The following GOLPH3 variants were observed in gnomAD, a reference collection of about 807,000 sequenced individuals.
The protein encoded by GOLPH3 is golgi phosphoprotein 3.
Under a neutral mutation model 28.5 loss-of-function variants are expected in GOLPH3, and 14 were observed. The observed-to-expected ratio is 0.49, with a 90% CI of 0.32 to 0.77. The LOEUF is 0.77. GOLPH3 is among the 30% of genes least tolerant of loss of function. The pLI is 0.03. For missense variants in GOLPH3, 350 were observed against 393.7 expected (o/e 0.89, Z 0.94); for synonymous variants, 158 against 159.2 (o/e 0.99, Z 0.06).
chr5:32,143,118 C>T (rs897139678), intron 2 of GOLPH3, among the ~76,000 whole-genome samples: 21 of 152,258 alleles, frequency 1.4e-4, no homozygotes, highest in African/African-American at 4.6e-4. Context: ...AAAAATTCTT[C>T]TGCCTTGGGA....
At chr5:32,132,132 G>T (rs1745838282) in intron 3 of GOLPH3, among the ~76,000 whole-genome samples, 1 of 152,146 alleles carries the variant, frequency 6.6e-6, no homozygotes, top group South Asian at 2.1e-4. Flanking sequence ...CTACAGCCTG[G>T]GTGATGGCGA....
intron 1 of GOLPH3, 64 bp downstream of exon 1, chr5:32,173,746 C>G (rs1305938264): frequency 1.7e-6 from 2 of 1,202,036 alleles, no homozygotes; most frequent in African/African-American, 3.2e-5. Context: ...TGGCACCTAC[C>G]TGGAGCTCAC....
At chr5:32,163,608 A>G (rs1746642068) in intron 1 of GOLPH3, among the ~76,000 whole-genome samples, 1 of 152,132 alleles carries the variant, frequency 6.6e-6, no homozygotes, top group Admixed American at 6.5e-5. Context: ...AGCCAAGATC[A>G]TGCCACTGCA....
chr5:32,162,743 C>T (rs1332315739), intron 1 of GOLPH3, among the ~76,000 whole-genome samples: 3 of 152,210 alleles, frequency 2.0e-5, no homozygotes, highest in African/African-American at 7.2e-5. Flanking sequence ...TATGCCAACA[C>T]ATTGGATCCC....
Position 32,125,998 on chromosome 5 carries a change from T to C in GOLPH3, c.*214A>G, listed in dbSNP as rs146409834. On this transcript the variant is annotated 3_prime_UTR_variant, in exon 4 of 4. Coordinates refer to ENST00000265070, the MANE Select transcript of GOLPH3 (RefSeq NM_022130.4). Reference sequence around the variant, plus strand: ...GGCAACAGGGAATGGAATGCCAATATGGCAGTAAAACTTTTTTTAAAAACA... The same window carrying C: ...GGCAACAGGGAATGGAATGCCAATACGGCAGTAAAACTTTTTTTAAAAACA... 1,854 of 499,904 alleles carry C rather than the reference T, an allele frequency of 3.7e-3. 6 individuals carry two copies. Among genetic ancestry groups the C allele is most frequent in the Middle Eastern group, 6.8e-3 (13 of 1,898 alleles). 31.0% of individuals were successfully genotyped at this position (499,904 alleles called of 1,614,324 possible).
chr5:32,166,907 C>A (rs1746726780), intron 1 of GOLPH3, among the ~76,000 whole-genome samples: 1 of 150,694 alleles, frequency 6.6e-6, no homozygotes, highest in Non-Finnish European at 1.5e-5. Context: ...ACAAAGACTA[C>A]AGCATAGTTT....
At chr5:32,172,695 A>AAAAAC (rs1212826822) in intron 1 of GOLPH3, among the ~76,000 whole-genome samples, 1 of 150,892 alleles carries the variant, frequency 6.6e-6, no homozygotes, top group East Asian at 1.9e-4. Context: ...GCTCCGTCTC[A>AAAAAC]AAAACAAAAC....
intron 1 of GOLPH3, among the ~76,000 whole-genome samples, chr5:32,144,633 C>T (rs536628993): frequency 6.6e-6 from 1 of 152,292 alleles, no homozygotes; most frequent in East Asian, 1.9e-4. Flanking sequence ...ATTAGAAAAA[C>T]ACACATGCGC....
At chr5:32,154,531 G>C (rs972242821) in intron 1 of GOLPH3, among the ~76,000 whole-genome samples, 1 of 152,186 alleles carries the variant, frequency 6.6e-6, no homozygotes, top group African/African-American at 2.4e-5. Context: ...TCTTTGGCTT[G>C]TGGCCTACAA....
intron 1 of GOLPH3, among the ~76,000 whole-genome samples, chr5:32,144,542 T>C (rs1251824728): frequency 6.6e-6 from 1 of 152,150 alleles, no homozygotes; most frequent in Non-Finnish European, 1.5e-5. Context: ...TGAGCAATAA[T>C]TACACCAACA....
At chr5:32,156,088 A>C (rs1310489759) in intron 1 of GOLPH3, among the ~76,000 whole-genome samples, 1 of 150,832 alleles carries the variant, frequency 6.6e-6, no homozygotes, top group Non-Finnish European at 1.5e-5. Flanking sequence ...AAGAGGCCCC[A>C]GAGAGTCCCT....
intron 1 of GOLPH3, among the ~76,000 whole-genome samples, chr5:32,161,399 T>C (rs1426641742): frequency 2.4e-5 from 3 of 126,226 alleles, no homozygotes; most frequent in African/African-American, 3.2e-5. Flanking sequence ...GCATACCTTG[T>C]CTCAAAAAAA....
chr5:32,131,988 CTACAAAAAAA>C (rs907075928), intron 3 of GOLPH3, among the ~76,000 whole-genome samples: 4 of 152,078 alleles, frequency 2.6e-5, no homozygotes, highest in African/African-American at 9.7e-5. Context: ...AACCCCATCT[CTACAAAAAAA>C]TACAAAAATT....
chr5:32,172,745 G>A (rs1372384880), intron 1 of GOLPH3, among the ~76,000 whole-genome samples: 1 of 150,984 alleles, frequency 6.6e-6, no homozygotes, highest in Non-Finnish European at 1.5e-5. Context: ...GGTGGCGCAT[G>A]CCTGCCTCAG....
At chr5:32,169,506 T>C (rs1385608177) in intron 1 of GOLPH3, among the ~76,000 whole-genome samples, 1 of 152,216 alleles carries the variant, frequency 6.6e-6, no homozygotes, top group African/African-American at 2.4e-5. Context: ...CTGCTTCTGC[T>C]GTTCCATAGG....
At chr5:32,144,315 T>C (rs1746144513) in intron 1 of GOLPH3, among the ~76,000 whole-genome samples, 1 of 152,250 alleles carries the variant, frequency 6.6e-6, no homozygotes, top group African/African-American at 2.4e-5. Context: ...TATTGCTGTT[T>C]AGGATAAAAC....
Position 32,173,137 on chromosome 5 carries a change from A to T in GOLPH3, c.225+673T>A, listed in dbSNP as rs115514513. ...TGAAAAAGCCCTTTCTTAAGACGGC[A>T]AGACTTTGAGATTCATCAACTGATA... is the stretch of plus-strand genomic sequence containing the variant. On this transcript the variant is annotated intron_variant, in intron 1 of 3. Transcript: ENST00000265070. Among the ~76,000 whole-genome samples the T allele has an allele frequency of 5.0e-3, 754 of 152,268 alleles. 3 individuals carry two copies. The highest frequency in any genetic ancestry group is 0.014 in the Middle Eastern group (4 of 294).
intron 1 of GOLPH3, among the ~76,000 whole-genome samples, chr5:32,159,490 C>A (rs1746528037): frequency 6.6e-6 from 1 of 152,154 alleles, no homozygotes; most frequent in African/African-American, 2.4e-5. Flanking sequence ...ACTGGTATCA[C>A]TTTTTTCTTT....
At chr5:32,128,946 G>A (rs1427441427) in intron 3 of GOLPH3, among the ~76,000 whole-genome samples, 1 of 152,006 alleles carries the variant, frequency 6.6e-6, no homozygotes, top group Non-Finnish European at 1.5e-5. Context: ...AAGTTAGCCG[G>A]GGCCAGGCAT....
Sources: gnomAD v4.1 joint callset for allele counts (sites outside exome capture counted in the v4.1 genomes callset) on GRCh38, gnomAD v4.1.1 for gene constraint, MANE v1.5 for transcripts, NCBI Gene and HGNC (gene_info 2026-07-23, HGNC 2026-07-21) for gene names.